Variants in UBE2J2 observed in about 807,000 individuals in gnomAD.
UBE2J2 encodes ubiquitin-conjugating enzyme E2 J2.
A neutral mutation model predicts 28.6 loss-of-function variants in UBE2J2; 5 were observed. That is an observed-to-expected ratio of 0.17 (90% CI 0.09 to 0.37). UBE2J2 has a LOEUF of 0.37. Ranked by LOEUF, UBE2J2 falls within the 10% of genes least tolerant of loss-of-function variation. The pLI is 1.00. For missense variants in UBE2J2, 226 were observed against 338.9 expected (o/e 0.67, Z 2.62); for synonymous variants, 138 against 139.7 (o/e 0.99, Z 0.09).
chr1:1,259,375 T>TGC (rs1427842793), intron 3 of UBE2J2, among the ~76,000 whole-genome samples: 3 of 152,050 alleles, frequency 2.0e-5, no homozygotes, highest in Admixed American at 1.3e-4. Flanking sequence ...TGCGTGTGTA[T>TGC]GCGTGTGCAT....
At position 1,257,148 on chromosome 1, in the gene UBE2J2, C is replaced by T. The variant is rs1053154215; in HGVS notation, c.276-18G>A. 22 of 1,607,910 alleles carry T rather than the reference C, an allele frequency of 1.4e-5. No individual in the cohort carries two copies. Among genetic ancestry groups the T allele is most frequent in the Middle Eastern group, 1.7e-4 (1 of 6,052 alleles). ...GACACAGCCTGCAAAACGGGGGCCC[C>T]GTCAGTGCACACTCCCCACCGCAGC... On this transcript the variant is annotated intron_variant, in intron 4 of 6. Transcript: ENST00000349431.
chr1:1,258,422 G>A (rs1486965546), intron 3 of UBE2J2, among the ~76,000 whole-genome samples: 1 of 151,972 alleles, frequency 6.6e-6, no homozygotes, highest in Non-Finnish European at 1.5e-5. Flanking sequence ...CCCCACCCTG[G>A]TCTAGCTCCT....
intron 2 of UBE2J2, among the ~76,000 whole-genome samples, chr1:1,264,113 C>A (rs958492202): frequency 6.6e-6 from 1 of 152,086 alleles, no homozygotes; most frequent in African/African-American, 2.4e-5. Context: ...CGGCTCGGTA[C>A]CCCCAGCCCT....
At chr1:1,257,824 T>C (rs1354313826) in intron 3 of UBE2J2, among the ~76,000 whole-genome samples, 8 of 151,698 alleles carry the variant, frequency 5.3e-5, no homozygotes, top group African/African-American at 1.9e-4. Context: ...AAAACGCACC[T>C]CAAACACACC....
chr1:1,272,610 C>A (rs1013557880), intron 1 of UBE2J2, among the ~76,000 whole-genome samples: 12 of 152,192 alleles, frequency 7.9e-5, no homozygotes, highest in African/African-American at 2.9e-4. Flanking sequence ...CACACATGCA[C>A]CTGCCTGGGT....
Position 1,255,407 on chromosome 1 carries a change from G to T in UBE2J2, c.576C>A (p.Asp192Glu), listed in dbSNP as rs1165232411. Residue 192 changes from aspartate (D) to glutamate (E), a missense_variant, in exon 7 of 7, where the codon GAC (aspartate) becomes GAA (glutamate). Asp to Glu is a conservative substitution (Grantham distance 45). Transcript: ENST00000349431. ...CGTTCTGGACGAGGTGCGTCTCCCC[G>T]TCTGGAACCACGTCTGGCAAGGGGA... ...QTLPLPDVVP[D>E]GETHLVQNGI... is the part of the protein sequence containing the mutation. The T allele has an allele frequency of 6.2e-7, 1 of 1,613,912 alleles. No individual in the cohort carries two copies. The highest frequency in any genetic ancestry group is 8.5e-7 in the Non-Finnish European group (1 of 1,180,026).
intron 5 of UBE2J2, 36 bp downstream of exon 5, chr1:1,256,956 G>A (rs753355829): frequency 1.4e-6 from 2 of 1,443,366 alleles, no homozygotes; most frequent in East Asian, 2.6e-5. Context: ...CAGACACAAG[G>A]CTGACGGCCC....
intron 2 of UBE2J2, 97 bp from the exon 3 acceptor site, chr1:1,263,483 T>C (rs1301765844): frequency 9.4e-7 from 1 of 1,060,292 alleles, no homozygotes; most frequent in Non-Finnish European, 1.5e-6. Context: ...CCAGCCAAAA[T>C]TACATTCACA....
chr1:1,257,674 T>C (rs189953503), intron 3 of UBE2J2, among the ~76,000 whole-genome samples: 1 of 151,456 alleles, frequency 6.6e-6, no homozygotes, highest in African/African-American at 2.4e-5. Flanking sequence ...GGAAGAGGCA[T>C]GCAGGGCCTC....
chr1:1,270,802 G>A (rs926923549), intron 1 of UBE2J2, among the ~76,000 whole-genome samples: 1 of 150,858 alleles, frequency 6.6e-6, no homozygotes, highest in African/African-American at 2.5e-5. Flanking sequence ...CCAGCCCCTT[G>A]ACAGAGGCAG....
intron 3 of UBE2J2, chr1:1,262,157 G>A (rs1289922992): frequency 3.0e-5 from 10 of 334,740 alleles, no homozygotes; most frequent in South Asian, 8.6e-5. Context: ...GCGCCCGGCC[G>A]ACCACTACTC....
Position 1,268,251 on chromosome 1 carries a change from A to C in UBE2J2, c.1-259T>G, listed in dbSNP as rs1430993877. Among the ~76,000 whole-genome samples the C allele has an allele frequency of 6.6e-6, 1 of 152,092 alleles. No individual in the cohort carries two copies. Among genetic ancestry groups the C allele is most frequent in the Non-Finnish European group, 1.5e-5 (1 of 68,030 alleles). On this transcript the variant is annotated intron_variant, in intron 1 of 6. Coordinates refer to ENST00000349431, the MANE Select transcript of UBE2J2 (RefSeq NM_058167.3). This position sits in a 1 kb window ranked among gnomAD's most constrained non-coding sequence, Gnocchi z 4.7. ...AGGTACAAAGACGAGGAGAAACCCA[A>C]AGCCTCGTTCCTGTCCTCCAAAAAC...
At chr1:1,262,472 A>G (rs1215642287) in intron 3 of UBE2J2, 3 of 359,558 alleles carry the variant, frequency 8.3e-6, no homozygotes, top group Non-Finnish European at 1.7e-5. Flanking sequence ...ATTCTTACCC[A>G]CCCACAACCC....
chr1:1,262,237 C>A (rs1639607386), intron 3 of UBE2J2: 2 of 442,500 alleles, frequency 4.5e-6, no homozygotes, highest in East Asian at 7.0e-5. Flanking sequence ...CTTTAACACG[C>A]CCTGGACACC....
intron 2 of UBE2J2, among the ~76,000 whole-genome samples, chr1:1,263,993 A>C (rs1024394230): frequency 6.6e-6 from 1 of 152,208 alleles, no homozygotes; most frequent in African/African-American, 2.4e-5. Context: ...CCTATCTCCA[A>C]AGAAAAAACG....
intron 2 of UBE2J2, 63 bp from the exon 3 acceptor site, chr1:1,263,449 T>C: frequency 6.8e-7 from 1 of 1,463,348 alleles, no homozygotes. Context: ...ATCTGAATCA[T>C]TCCAAGCCTG....
At chr1:1,272,441 T>TTA (rs1413896299) in intron 1 of UBE2J2, among the ~76,000 whole-genome samples, 3 of 152,196 alleles carry the variant, frequency 2.0e-5, no homozygotes, top group Non-Finnish European at 4.4e-5. Context: ...TCTTTCCTGC[T>TTA]TAGGGGATGT....
At chr1:1,262,968 G>A (rs113726567) in intron 3 of UBE2J2, 10 of 199,662 alleles carry the variant, frequency 5.0e-5, no homozygotes, top group African/African-American at 1.4e-4. Context: ...CCCTGGGGGC[G>A]CCCAGCACAG....
Position 1,267,899 on chromosome 1 carries a change from T to C in UBE2J2, c.94A>G (p.Ile32Val). ...LRIKKDPVPYICAEPLPSNIL... is the reference protein window; with the variant it reads ...LRIKKDPVPYVCAEPLPSNIL... ...TTCGAAGGGAGGGGCTCGGCACAGA[T>C]GTAAGGCACCGGGTCTTTCTTAATG... Residue 32 changes from isoleucine (I) to valine (V), a missense_variant, in exon 2 of 7, where the codon ATC becomes GTC. Transcript: ENST00000349431. The C allele has an allele frequency of 1.2e-6, 2 of 1,614,090 alleles. No individual in the cohort carries two copies. Among genetic ancestry groups the C allele is most frequent in the Non-Finnish European group, 1.7e-6 (2 of 1,179,970 alleles).
Sources: allele counts gnomAD v4.1 joint callset (sites outside exome capture counted in the v4.1 genomes callset), GRCh38; gene constraint gnomAD v4.1.1; non-coding constraint Gnocchi (gnomAD v3.1); transcripts MANE v1.5; gene names NCBI Gene and HGNC (gene_info 2026-07-23, HGNC 2026-07-21).